TENM2: variants seen among roughly 807,000 people sequenced by gnomAD.
TENM2 encodes the protein teneurin-2.
A neutral mutation model predicts 245.2 loss-of-function variants in TENM2; 52 were observed. The observed-to-expected ratio is 0.21, with a 90% CI of 0.17 to 0.27. The LOEUF (loss-of-function observed/expected upper bound fraction) is 0.27, where lower values mean the gene tolerates loss of function less well. Ranked by LOEUF, TENM2 falls within the 10% of genes least tolerant of loss-of-function variation. The probability of loss-of-function intolerance (pLI) is 1.00; values close to 1 mark genes in which losing one functional copy is unlikely to be tolerated. For missense variants in TENM2, 3,046 were observed against 3,666.8 expected (o/e 0.83, Z 4.37); for synonymous variants, 1,363 against 1,438.9 (o/e 0.95, Z 1.19).
At chr5:168,263,119 A>C (rs1171762462), downstream of TENM2, 1 of 290,070 alleles carries the variant, frequency 3.4e-6, no homozygotes, top group Non-Finnish European at 6.4e-6. Flanking sequence ...TACGCAGAAA[A>C]GAGACGCAAA....
chr5:167,726,660 T>C (rs1009275106), intron 2 of TENM2, among the ~76,000 whole-genome samples: 7 of 152,144 alleles, frequency 4.6e-5, no homozygotes, highest in Non-Finnish European at 1.5e-5. Flanking sequence ...GGTCTCATTA[T>C]GTTAACCAGG....
the TENM2 span, among the ~76,000 whole-genome samples, chr5:167,105,704 C>T: frequency 1.2e-4 from 18 of 150,224 alleles, no homozygotes; most frequent in African/African-American, 3.7e-4. Flanking sequence ...CCGGCTAAAA[C>T]GGTGAAACCC....
the TENM2 span, among the ~76,000 whole-genome samples, chr5:167,113,360 G>A: frequency 6.6e-6 from 1 of 152,132 alleles, no homozygotes; most frequent in Non-Finnish European, 1.5e-5. Flanking sequence ...CGTTTAATAA[G>A]GTTTGGAGAG....
chr5:168,080,748 A>C (rs1360804121), intron 7 of TENM2, among the ~76,000 whole-genome samples: 1 of 152,086 alleles, frequency 6.6e-6, no homozygotes, highest in Non-Finnish European at 1.5e-5. Flanking sequence ...ATTCTGAGTG[A>C]GTTTCTTAAT....
intron 2 of TENM2, among the ~76,000 whole-genome samples, chr5:167,853,500 A>G (rs186690152): frequency 6.6e-6 from 1 of 152,126 alleles, no homozygotes; most frequent in African/African-American, 2.4e-5. Flanking sequence ...GCTCAGTTTG[A>G]GAAGAGGAAA....
At chr5:167,291,496 C>T (rs1343444633) in intron 1 of TENM2, among the ~76,000 whole-genome samples, 1 of 152,214 alleles carries the variant, frequency 6.6e-6, no homozygotes, top group Non-Finnish European at 1.5e-5. Flanking sequence ...CACATTTTCT[C>T]ATTTGGTAAC....
intron 1 of TENM2, among the ~76,000 whole-genome samples, chr5:167,312,278 A>C (rs1162824451): frequency 6.6e-6 from 1 of 152,246 alleles, no homozygotes; most frequent in East Asian, 1.9e-4. Flanking sequence ...GAGTTTGTGC[A>C]TACCATCACA....
intron 2 of TENM2, among the ~76,000 whole-genome samples, chr5:167,439,083 C>A (rs1435055940): frequency 6.6e-6 from 1 of 152,174 alleles, no homozygotes. Flanking sequence ...CATGAGCCGC[C>A]GCACCGGGCC....
At chr5:167,988,394 G>A (rs573751110) in intron 4 of TENM2, among the ~76,000 whole-genome samples, 2 of 152,236 alleles carry the variant, frequency 1.3e-5, no homozygotes, top group African/African-American at 4.8e-5. Context: ...CAGTTCTAAC[G>A]ATGGGGACAG....
chr5:168,098,230 C>T (rs778642930), intron 9 of TENM2, 103 bp downstream of exon 11: 4 of 780,412 alleles, frequency 5.1e-6, no homozygotes, highest in Non-Finnish European at 8.7e-6. Flanking sequence ...CCATCAAATC[C>T]CCCGAGACAT....
intron 4 of TENM2, among the ~76,000 whole-genome samples, chr5:167,972,479 C>T (rs768087548): frequency 5.3e-5 from 8 of 152,076 alleles, no homozygotes; most frequent in East Asian, 1.9e-4. Context: ...ACATTTAGAT[C>T]GCTTTCAGAA....
chr5:167,670,999 C>T (rs1178814332), intron 2 of TENM2, among the ~76,000 whole-genome samples: 1 of 152,124 alleles, frequency 6.6e-6, no homozygotes, highest in Non-Finnish European at 1.5e-5. Flanking sequence ...GGGACTCTTT[C>T]ATTTGCCTGT....
At chr5:167,941,754 T>TTAGTCAGG (rs1407522881) in intron 3 of TENM2, among the ~76,000 whole-genome samples, 1 of 151,576 alleles carries the variant, frequency 6.6e-6, no homozygotes, top group African/African-American at 2.4e-5. Context: ...CTTGGAAGAC[T>TTAGTCAGG]TAGTCAGGAA....
intron 2 of TENM2, among the ~76,000 whole-genome samples, chr5:167,785,675 C>T (rs938572145): frequency 6.6e-6 from 1 of 152,182 alleles, no homozygotes; most frequent in Non-Finnish European, 1.5e-5. Flanking sequence ...TGTCCCTCTT[C>T]AGGTCTGCTC....
intron 2 of TENM2, among the ~76,000 whole-genome samples, chr5:167,706,181 A>G (rs943744168): frequency 6.8e-6 from 1 of 146,172 alleles, no homozygotes; most frequent in South Asian, 2.1e-4. Context: ...TATATTATGC[A>G]TAGTATAATC....
the TENM2 span, among the ~76,000 whole-genome samples, chr5:167,256,185 C>T: frequency 4.6e-5 from 7 of 152,112 alleles, no homozygotes; most frequent in Non-Finnish European, 8.8e-5. Context: ...GCACTGCATG[C>T]AATGCAAGTG....
At chr5:167,001,132 T>C in the TENM2 span, among the ~76,000 whole-genome samples, 1 of 152,170 alleles carries the variant, frequency 6.6e-6, no homozygotes, top group African/African-American at 2.4e-5. Context: ...AATTACACTT[T>C]TCTAACTGAA....
intron 10 of TENM2, among the ~76,000 whole-genome samples, chr5:168,122,990 G>A (rs747123736): frequency 1.9e-4 from 29 of 152,034 alleles, no homozygotes; most frequent in Admixed American, 7.2e-4. Flanking sequence ...GAGCCAATAC[G>A]TCATCAGTAT....
chr5:167,417,095 C>T (rs976331878), intron 2 of TENM2, among the ~76,000 whole-genome samples: 2 of 152,092 alleles, frequency 1.3e-5, no homozygotes, highest in African/African-American at 4.8e-5. Flanking sequence ...TCTTAATCAC[C>T]CAGAATTACA....
Sources: allele counts gnomAD v4.1 joint callset (sites outside exome capture counted in the v4.1 genomes callset), GRCh38; gene constraint gnomAD v4.1.1; transcripts MANE v1.5; gene names NCBI Gene and HGNC (gene_info 2026-07-23, HGNC 2026-07-21).